Variants in GPM6B observed in about 807,000 individuals in gnomAD.
GPM6B encodes glycoprotein M6B.
Under a neutral mutation model 27.2 loss-of-function variants are expected in GPM6B, and 4 were observed. That is an observed-to-expected ratio of 0.15 (90% CI 0.07 to 0.34). GPM6B has a LOEUF of 0.34. GPM6B is among the 10% of genes least tolerant of loss of function. The probability of loss-of-function intolerance (pLI) is 1.00; values close to 1 mark genes in which losing one functional copy is unlikely to be tolerated. For missense variants in GPM6B, 183 were observed against 261.9 expected (o/e 0.70, Z 2.08); for synonymous variants, 124 against 103.1 (o/e 1.20, Z -1.23).
At position 13,816,880 on chromosome X, in the gene GPM6B, C is replaced by G. The variant is rs747998334; in HGVS notation, c.25G>C (p.Ala9Pro). Residue 9 changes from alanine to proline, a missense_variant, in exon 1 of 8, where the codon GCC becomes CCC. Coordinates refer to ENST00000316715, the MANE Select transcript of GPM6B (RefSeq NM_001001995.3). MKPAMETA[A>P]EENTEQSQER... ...TGGCTTTGTTCAGTATTTTCCTCGG[C>G]TGCAGTTTCCATGGCTGGCTTCATA... 1 of 1,208,733 alleles carries G rather than the reference C, an allele frequency of 8.3e-7. No individual in the cohort carries two copies. Among genetic ancestry groups the G allele is most frequent in the Non-Finnish European group, 1.1e-6 (1 of 894,180 alleles).
intron 2 of GPM6B, among the ~76,000 whole-genome samples, chrX:13,801,058 G>T (rs1370724434): frequency 8.4e-5 from 9 of 106,953 alleles, no homozygotes; most frequent in Non-Finnish European, 3.9e-5. Flanking sequence ...AAAAAAGAAA[G>T]AAATGATCCC....
intron 1 of GPM6B, among the ~76,000 whole-genome samples, chrX:13,901,749 G>A (rs925803324): frequency 9.0e-6 from 1 of 111,427 alleles, no homozygotes; most frequent in African/African-American, 3.3e-5. Flanking sequence ...GTGAAACTGA[G>A]CATAGGGCCC....
intron 1 of GPM6B, among the ~76,000 whole-genome samples, chrX:13,878,337 A>G (rs2050061228): frequency 9.3e-6 from 1 of 107,865 alleles, no homozygotes; most frequent in South Asian, 4.0e-4. Flanking sequence ...CAGGGAGACC[A>G]CCCAATGGGA....
chrX:13,850,024 G>A lies in GPM6B; in HGVS notation c.-197-64216C>T, dbSNP rs777691828. On this transcript the variant is annotated intron_variant, in intron 1 of 6. Transcript: ENST00000398361. Reference sequence around the variant, plus strand: ...CAGTGAGCCGAGATGGCATCACTGCGCTCCAGCCTGGGTGACAGAGCAAGA... The same window carrying A: ...CAGTGAGCCGAGATGGCATCACTGCACTCCAGCCTGGGTGACAGAGCAAGA... Among the ~76,000 whole-genome samples, 356 of 111,655 alleles carry A rather than the reference G, an allele frequency of 3.2e-3. 2 individuals are homozygous for A. The highest frequency in any genetic ancestry group is 0.016 in the South Asian group (43 of 2,645).
At chrX:13,900,165 T>C (rs1211859289) in intron 1 of GPM6B, among the ~76,000 whole-genome samples, 3 of 111,504 alleles carry the variant, frequency 2.7e-5, no homozygotes, top group Non-Finnish European at 5.6e-5. Flanking sequence ...CTTTGCAAAA[T>C]GCACAATAAA....
At chrX:13,919,876 G>A (rs1450670417) in intron 1 of GPM6B, among the ~76,000 whole-genome samples, 1 of 111,586 alleles carries the variant, frequency 9.0e-6, no homozygotes, top group Non-Finnish European at 1.9e-5. Flanking sequence ...GCATCCTCTG[G>A]CTCTTAAGTA....
intron 1 of GPM6B, 41 bp from the exon 2 acceptor site, chrX:13,807,810 C>T (rs2049051075): frequency 1.8e-6 from 2 of 1,127,629 alleles, no homozygotes; most frequent in Non-Finnish European, 2.4e-6. Context: ...TCTCTATCTC[C>T]AGCAAAGATT....
At position 13,931,295 on chromosome X, in the gene GPM6B, A is replaced by AGGAGATGGAGTCCATCCT. The variant is rs1569314292; in HGVS notation, c.-198+7031_-198+7032insAGGATGGACTCCATCTCC. 4.5e-5 allele frequency among the ~76,000 whole-genome samples: 5 copies of AGGAGATGGAGTCCATCCT among 110,924 alleles called. No individual in the cohort carries two copies. In the Admixed American group the frequency reaches 4.8e-4, roughly 11 times the overall value. ...GCCAAGGCGGGCGGATCACAAGGTC[A>AGGAGATGGAGTCCATCCT]GGCTATCATGGTGAAACCCCATCTC... is the stretch of plus-strand genomic sequence containing the variant. On this transcript the variant is annotated intron_variant, in intron 1 of 6. Coordinates refer to the GPM6B transcript ENST00000398361.
chrX:13,869,137 T>C (rs1419583354), intron 1 of GPM6B, among the ~76,000 whole-genome samples: 3 of 112,380 alleles, frequency 2.7e-5, no homozygotes, highest in South Asian at 3.7e-4. Context: ...CAGAATGTTA[T>C]TGGGCCACAA....
intron 1 of GPM6B, among the ~76,000 whole-genome samples, chrX:13,894,739 C>T (rs1202277996): frequency 8.9e-6 from 1 of 112,438 alleles, no homozygotes; most frequent in African/African-American, 3.2e-5. Context: ...GGGTTCTTTT[C>T]TAAATAGCAA....
At chrX:13,918,723 G>A (rs1490194270) in intron 1 of GPM6B, among the ~76,000 whole-genome samples, 1 of 111,295 alleles carries the variant, frequency 9.0e-6, no homozygotes, top group African/African-American at 3.3e-5. Context: ...TTACAATCAC[G>A]GCAGAAGACA....
intron 1 of GPM6B, among the ~76,000 whole-genome samples, chrX:13,927,452 C>T (rs1327552859): frequency 2.7e-5 from 3 of 112,702 alleles, no homozygotes; most frequent in African/African-American, 9.6e-5. Context: ...GTATTATTGT[C>T]TAAGTCCAAA....
At chrX:13,935,397 T>C (rs1351189740) in intron 1 of GPM6B, among the ~76,000 whole-genome samples, 1 of 100,491 alleles carries the variant, frequency 1.0e-5, no homozygotes. Flanking sequence ...ATGCCTGTAG[T>C]CCCAGCTACT....
chrX:13,907,521 T>C (rs1052665145), intron 1 of GPM6B, among the ~76,000 whole-genome samples: 2 of 111,412 alleles, frequency 1.8e-5, no homozygotes, highest in Non-Finnish European at 3.8e-5. Context: ...CCGTCTCTAC[T>C]AAAAATACAA....
intron 1 of GPM6B, among the ~76,000 whole-genome samples, chrX:13,910,196 A>G (rs2050366551): frequency 8.9e-6 from 1 of 111,824 alleles, no homozygotes; most frequent in Non-Finnish European, 1.9e-5. Context: ...TTTCCATATC[A>G]CTCAGTGCAG....
intron 1 of GPM6B, among the ~76,000 whole-genome samples, chrX:13,890,497 A>G (rs911440723): frequency 1.1e-4 from 12 of 110,918 alleles, no homozygotes; most frequent in African/African-American, 3.6e-4. Flanking sequence ...CTGGATTGGG[A>G]CCCCTTTGTT....
chrX:13,786,843 T>G (rs1174758501), intron 2 of GPM6B, among the ~76,000 whole-genome samples: 1 of 109,894 alleles, frequency 9.1e-6, no homozygotes, highest in Non-Finnish European at 1.9e-5. Flanking sequence ...CGTTTTCAGT[T>G]TGGAGACATT....
chrX:13,865,925 G>T (rs2049911716), intron 1 of GPM6B, among the ~76,000 whole-genome samples: 1 of 111,134 alleles, frequency 9.0e-6, no homozygotes, highest in Admixed American at 9.6e-5. Context: ...CATATTAAGT[G>T]AAATAAATAA....
rs1264303571 is a variant in GPM6B, at chrX:13,776,286, G to C, written c.789C>G (p.His263Gln). ...CNTNEFYMSY[H>Q]LFIVACAGAG... Reference sequence around the variant, plus strand: ...CTCCTGCACAGGCCACAATGAACAGGTGATAGGACATGTAGAACTACAAAA... The same window carrying C: ...CTCCTGCACAGGCCACAATGAACAGCTGATAGGACATGTAGAACTACAAAA... Residue 263 changes from histidine (H) to glutamine (Q), a missense_variant, in exon 7 of 8, where the codon CAC becomes CAG. By Grantham distance (24) the His-to-Gln change is conservative. Coordinates refer to ENST00000316715, the MANE Select transcript of GPM6B (RefSeq NM_001001995.3). 10 of 1,205,639 alleles carry C rather than the reference G, an allele frequency of 8.3e-6. No homozygotes were observed. The Admixed American group carries it at 2.2e-4, about 26-fold the overall frequency.
Sources: allele counts gnomAD v4.1 joint callset (sites outside exome capture counted in the v4.1 genomes callset), GRCh38; gene constraint gnomAD v4.1.1; transcripts MANE v1.5; gene names NCBI Gene and HGNC (gene_info 2026-07-23, HGNC 2026-07-21).